The following DAPK2 variants were observed in gnomAD, a reference collection of about 807,000 sequenced individuals.
DAPK2 encodes the protein death associated protein kinase 2.
A neutral mutation model predicts 44.1 loss-of-function variants in DAPK2; 35 were observed. The ratio of observed to expected loss-of-function variants is 0.79; its 90% CI spans 0.61 to 1.05. The LOEUF (loss-of-function observed/expected upper bound fraction) is 1.05. Among genes scored for constraint, DAPK2 ranks in the 50% least tolerant of loss-of-function variants. DAPK2 has a pLI of 0.00. For synonymous variants in DAPK2, 174 were observed against 182.6 expected (o/e 0.95, Z 0.38); for missense variants, 453 against 483.2 (o/e 0.94, Z 0.59).
At chr15:64,045,438 C>T (rs539238238) in intron 1 of DAPK2, among the ~76,000 whole-genome samples, 10 of 152,262 alleles carry the variant, frequency 6.6e-5, no homozygotes, top group African/African-American at 2.4e-4. Flanking sequence ...GTGTCAGAAA[C>T]CAGAGTGGCT....
At chr15:63,981,880 T>C (rs924130192) in intron 2 of DAPK2, among the ~76,000 whole-genome samples, 3 of 152,218 alleles carry the variant, frequency 2.0e-5, no homozygotes, top group Non-Finnish European at 4.4e-5. Context: ...CAGGCAATTC[T>C]ATACATTTAA....
intron 3 of DAPK2, among the ~76,000 whole-genome samples, chr15:63,959,797 G>T (rs2077834660): frequency 2.0e-5 from 3 of 152,202 alleles, no homozygotes; most frequent in Admixed American, 2.0e-4. Flanking sequence ...GTTCATTGGG[G>T]ATATTGGTCT....
At chr15:64,015,594 G>A (rs543508417) in intron 1 of DAPK2, among the ~76,000 whole-genome samples, 1 of 152,270 alleles carries the variant, frequency 6.6e-6, no homozygotes, top group South Asian at 2.1e-4. Flanking sequence ...TTGGAAAAAG[G>A]GCCTTTGCAG....
intron 1 of DAPK2, among the ~76,000 whole-genome samples, chr15:63,987,035 T>C (rs1270738883): frequency 1.3e-5 from 2 of 152,226 alleles, no homozygotes; most frequent in Non-Finnish European, 2.9e-5. Flanking sequence ...CCCATCAGCA[T>C]GATTTTTGCT....
chr15:63,914,543 G>A (rs1352090131), intron 8 of DAPK2, among the ~76,000 whole-genome samples: 2 of 152,168 alleles, frequency 1.3e-5, no homozygotes, highest in African/African-American at 4.8e-5. Context: ...AAAGTGGATG[G>A]AGGGTGACCA....
At chr15:63,944,272 C>T (rs2077393697) in intron 3 of DAPK2, among the ~76,000 whole-genome samples, 1 of 152,160 alleles carries the variant, frequency 6.6e-6, no homozygotes, top group African/African-American at 2.4e-5. Flanking sequence ...CTTATTGGGC[C>T]ATTTGGACCA....
intron 3 of DAPK2, among the ~76,000 whole-genome samples, chr15:63,964,238 G>GT (rs919752913): frequency 2.6e-5 from 4 of 152,112 alleles, no homozygotes; most frequent in African/African-American, 4.8e-5. Flanking sequence ...TAGAATAAAG[G>GT]TTTTTTCCTC....
At chr15:63,907,696 T>C (rs1383535305) in exon 11 of DAPK2, 1 of 152,300 alleles carries the variant, frequency 6.6e-6, no homozygotes, top group Non-Finnish European at 1.5e-5. Flanking sequence ...GCAGGGATTA[T>C]AGGCGTGAGC....
In DAPK2 at chr15:63,908,686, T is replaced by G; in HGVS notation, c.1033-86A>C. 8.7e-7 allele frequency: 1 copy of G among 1,154,772 alleles called. No homozygotes were observed. 71.5% of individuals were successfully genotyped at this position (1,154,772 alleles called of 1,614,324 possible). A position where few individuals can be genotyped will look rare whatever the true frequency, so the allele number is the denominator to read the frequency against. On this transcript the variant is annotated intron_variant, in intron 10 of 10. Transcript: ENST00000261891. This position sits in a 1 kb window ranked among gnomAD's most constrained non-coding sequence, Gnocchi z 5.7. ...GCTGTGCTGGGCAACCTGGGTTGATTCACCTGGACCACGGGACTACAAGCC... is the reference window on the plus strand; with the variant it reads ...GCTGTGCTGGGCAACCTGGGTTGATGCACCTGGACCACGGGACTACAAGCC...
At chr15:63,953,334 G>A (rs1567229274) in intron 3 of DAPK2, among the ~76,000 whole-genome samples, 1 of 152,106 alleles carries the variant, frequency 6.6e-6, no homozygotes, top group Non-Finnish European at 1.5e-5. Context: ...GAGTTCAACT[G>A]TTTTAATTTT....
intron 10 of DAPK2, chr15:63,910,545 C>T (rs7161764): frequency 0.72 from 109,811 of 152,178 alleles, 40,535 homozygotes; most frequent in East Asian, 0.99. Flanking sequence ...AATTTTGAAA[C>T]TTAATTTTCT....
intron 7 of DAPK2, among the ~76,000 whole-genome samples, chr15:63,925,677 C>T (rs951010215): frequency 8.2e-6 from 1 of 121,888 alleles, no homozygotes; most frequent in Non-Finnish European, 1.7e-5. Flanking sequence ...TGACTTGTAG[C>T]GCACACACAC....
At position 64,046,173 on chromosome 15, in the gene DAPK2, G is replaced by C. The variant is rs537497714; in HGVS notation, c.-7+125C>G. The C allele has an allele frequency of 2.3e-3, 662 of 292,906 alleles. 1 individual carries two copies. The highest frequency in any genetic ancestry group is 3.2e-3 in the Non-Finnish European group (630 of 196,220). 18.1% of individuals were successfully genotyped at this position (292,906 alleles called of 1,614,324 possible). ...CCACGGCGTCAGGCATTGGGGCGGC[G>C]GGCCCGGGATCTGCGAGCGAGTGCC... On this transcript the variant is annotated intron_variant, in intron 1 of 11. Coordinates refer to the DAPK2 transcript ENST00000457488. The surrounding 1 kb of genome is among the most constrained non-coding windows in gnomAD (Gnocchi z 5.3).
Position 63,999,234 on chromosome 15 carries a change from G to C in DAPK2, c.93-15480C>G, listed in dbSNP as rs557754483. On this transcript the variant is annotated intron_variant, in intron 1 of 10. Transcript: ENST00000261891. ...TGGTCAAAATCTCTCTTCCTCTCCA[G>C]CCCAGGAATGATCTGACCAAGCTGG... is the stretch of plus-strand genomic sequence containing the variant. 1.1e-3 allele frequency among the ~76,000 whole-genome samples: 167 copies of C among 152,286 alleles called. 2 individuals are homozygous for C. The South Asian group carries it at 0.027, about 25-fold the overall frequency.
chr15:64,015,399 C>G (rs944875195), intron 1 of DAPK2, among the ~76,000 whole-genome samples: 1 of 152,182 alleles, frequency 6.6e-6, no homozygotes, highest in Non-Finnish European at 1.5e-5. Context: ...CAGGGCACTG[C>G]TATAGGCAGA....
rs897236326 is a variant in DAPK2 at position 63,917,121 on chromosome 15, G to C, written c.859-4924C>G. On this transcript the variant is annotated intron_variant, in intron 8 of 10. Coordinates refer to ENST00000261891, the Ensembl canonical transcript of DAPK2. The surrounding 1 kb of genome is among the most constrained non-coding windows in gnomAD (Gnocchi z 4.4). ...CTCATGCCTGTAATCTCAGCACTTCGGGAGGCCGAGGCAGGCAGATCACCT... is the reference window on the plus strand; with the variant it reads ...CTCATGCCTGTAATCTCAGCACTTCCGGAGGCCGAGGCAGGCAGATCACCT... 1 of 152,286 alleles carries C rather than the reference G, an allele frequency of 6.6e-6. No individual in the cohort carries two copies. The highest frequency in any genetic ancestry group is 1.5e-5 in the Non-Finnish European group (1 of 68,102). 9.4% of individuals were successfully genotyped at this position (152,286 alleles called of 1,614,324 possible).
chr15:63,975,629 C>T (rs995290260), intron 2 of DAPK2, among the ~76,000 whole-genome samples: 5 of 150,250 alleles, frequency 3.3e-5, no homozygotes, highest in African/African-American at 1.2e-4. Context: ...GACAGAGTCT[C>T]ATTCTGTTGC....
chr15:63,970,714 T>C (rs1159009802), intron 3 of DAPK2, among the ~76,000 whole-genome samples: 1 of 152,216 alleles, frequency 6.6e-6, no homozygotes, highest in East Asian at 1.9e-4. Flanking sequence ...TTGATCAAAG[T>C]TAGAGGACTT....
chr15:64,036,309 GTATATATA>G (rs1175432400), intron 1 of DAPK2, among the ~76,000 whole-genome samples: 1 of 60,522 alleles, frequency 1.7e-5, no homozygotes, highest in South Asian at 4.3e-4. Context: ...GTGTGTGTGT[GTATATATA>G]TGTATATATA....
Sources: gnomAD v4.1 joint callset for allele counts (sites outside exome capture counted in the v4.1 genomes callset) on GRCh38, gnomAD v4.1.1 for gene constraint, Gnocchi (gnomAD v3.1) non-coding constraint, MANE v1.5 for transcripts, NCBI Gene and HGNC (gene_info 2026-07-23, HGNC 2026-07-21) for gene names.